Variants in THRB observed in about 807,000 individuals in gnomAD.
THRB encodes thyroid hormone receptor beta, also known as nuclear receptor subfamily 1 group A member 2.
In THRB, 12 loss-of-function variants were observed where a neutral mutation model predicts 47.8. The ratio of observed to expected loss-of-function variants is 0.25; its 90% CI spans 0.16 to 0.41. THRB has a LOEUF of 0.41. Among genes scored for constraint, THRB ranks in the 10% least tolerant of loss-of-function variants. The pLI, the probability that THRB is intolerant of heterozygous loss-of-function variation, is 1.00. For missense variants in THRB, 348 were observed against 589.2 expected (o/e 0.59, Z 4.24); for synonymous variants, 218 against 212.2 (o/e 1.03, Z -0.24).
In THRB at chr3:24,198,301, G is replaced by T. The variant is rs541049352; in HGVS notation, c.23-7967C>A. 7.8e-4 allele frequency among the ~76,000 whole-genome samples: 119 copies of T among 152,290 alleles called. 1 individual carries two copies. Among genetic ancestry groups the T allele is most frequent in the African/African-American group, 2.4e-3 (99 of 41,572 alleles). ...GGAAATCTGCTATTACTACATTCAA[G>T]AATTGCTATGGAAGCGTTATAGGTT... On this transcript the variant is annotated intron_variant, in intron 4 of 10. Coordinates refer to ENST00000646209, the MANE Select transcript of THRB (RefSeq NM_001354712.2).
At chr3:24,266,424 T>C (rs563413990) in intron 3 of THRB, among the ~76,000 whole-genome samples, 1 of 152,232 alleles carries the variant, frequency 6.6e-6, no homozygotes, top group East Asian at 1.9e-4. Context: ...TAATGATGAC[T>C]TTAGACTTGG....
At chr3:24,268,015 C>T (rs1267358092) in intron 3 of THRB, among the ~76,000 whole-genome samples, 3 of 152,136 alleles carry the variant, frequency 2.0e-5, no homozygotes, top group African/African-American at 7.2e-5. Context: ...AGAAAGTTCT[C>T]TATAAAGGCA....
In THRB at chr3:24,120,403, T is replaced by C. The variant is rs1222047267; in HGVS notation, c.*2481A>G. 2.0e-5 allele frequency: 3 copies of C among 152,232 alleles called. No individual in the cohort carries two copies. The highest frequency in any genetic ancestry group is 2.9e-5 in the Non-Finnish European group (2 of 68,048). 9.4% of individuals were successfully genotyped at this position (152,232 alleles called of 1,614,324 possible). ...ATACTATTTGGCCAATTCTCGATCATGGTTAGTCCCCAAAGCATTCTGATT... is the reference window on the plus strand; with the variant it reads ...ATACTATTTGGCCAATTCTCGATCACGGTTAGTCCCCAAAGCATTCTGATT... On this transcript the variant is annotated 3_prime_UTR_variant, in exon 11 of 11. Transcript: ENST00000646209.
At chr3:24,158,444 TG>T (rs2038232150) in intron 5 of THRB, among the ~76,000 whole-genome samples, 1 of 104,804 alleles carries the variant, frequency 9.5e-6, no homozygotes, top group African/African-American at 4.4e-5. Context: ...GGGGGGAGGG[TG>T]GGGGACGAGT....
intron 1 of THRB, among the ~76,000 whole-genome samples, chr3:24,476,741 T>A (rs778573957): frequency 2.5e-4 from 38 of 152,208 alleles, no homozygotes; most frequent in Non-Finnish European, 8.8e-5. Flanking sequence ...ATTAAAGGTA[T>A]GGTTTTTGGG....
intron 3 of THRB, among the ~76,000 whole-genome samples, chr3:24,286,876 C>T (rs928135941): frequency 1.3e-5 from 2 of 152,156 alleles, no homozygotes; most frequent in African/African-American, 4.8e-5. Flanking sequence ...GCCTGGGCGG[C>T]ATGGGGTTCC....
At chr3:24,490,170 A>G (rs1577966974) in intron 1 of THRB, among the ~76,000 whole-genome samples, 1 of 152,336 alleles carries the variant, frequency 6.6e-6, no homozygotes, top group South Asian at 2.1e-4. Context: ...AAAAATGGCT[A>G]GCAGAGCCAG....
intron 1 of THRB, among the ~76,000 whole-genome samples, chr3:24,388,342 TC>T (rs1450163682): frequency 6.6e-6 from 1 of 152,120 alleles, no homozygotes; most frequent in African/African-American, 2.4e-5. Context: ...CCTGCTTCCT[TC>T]CCATTCCTAC....
At chr3:24,418,176 T>C (rs2068915094) in intron 1 of THRB, among the ~76,000 whole-genome samples, 1 of 151,700 alleles carries the variant, frequency 6.6e-6, no homozygotes, top group Non-Finnish European at 1.5e-5. Flanking sequence ...GTTATAGCAG[T>C]CTGCAACCCT....
chr3:24,280,406 G>T (rs1169722714), intron 3 of THRB, among the ~76,000 whole-genome samples: 5 of 152,086 alleles, frequency 3.3e-5, no homozygotes, highest in African/African-American at 1.2e-4. Flanking sequence ...CTAACAAACA[G>T]AAAGGACATC....
intron 1 of THRB, among the ~76,000 whole-genome samples, chr3:24,377,896 A>G (rs2065412662): frequency 6.6e-6 from 1 of 152,150 alleles, no homozygotes; most frequent in Non-Finnish European, 1.5e-5. Flanking sequence ...GTTTAATGGT[A>G]ATTTACAAAA....
chr3:24,263,123 C>G (rs750632164), intron 3 of THRB, among the ~76,000 whole-genome samples: 13 of 152,076 alleles, frequency 8.5e-5, no homozygotes, highest in Admixed American at 2.6e-4. Flanking sequence ...CTTTTTTATG[C>G]CTTTCAGTCA....
intron 5 of THRB, among the ~76,000 whole-genome samples, chr3:24,187,036 T>A: frequency 6.6e-6 from 1 of 151,524 alleles, no homozygotes; most frequent in African/African-American, 2.4e-5. Context: ...AAACAATATT[T>A]AGAGTACTAT....
At position 24,255,898 on chromosome 3, in the gene THRB, C is replaced by A. The variant is rs560443997; in HGVS notation, c.-42-26897G>T. 2.0e-5 allele frequency among the ~76,000 whole-genome samples: 3 copies of A among 152,308 alleles called. No individual in the cohort carries two copies. The East Asian group carries it at 5.8e-4, about 29-fold the overall frequency. On this transcript the variant is annotated intron_variant, in intron 3 of 10. Transcript: ENST00000646209. The stretch of plus-strand genomic sequence containing the variant: ...TACATTTCAAAAACCACTGTATCCA[C>A]TGTGTTGAGGGGGTGAGGGGAAGCC...
chr3:24,263,959 A>G (rs2361302), intron 3 of THRB, among the ~76,000 whole-genome samples: 40,034 of 152,030 alleles, frequency 0.26, 5,395 homozygotes, highest in South Asian at 0.35. Context: ...AGATGAAAAA[A>G]TGATGTTTTT....
At chr3:24,189,788 A>G (rs574204938) in intron 5 of THRB, among the ~76,000 whole-genome samples, 1 of 152,364 alleles carries the variant, frequency 6.6e-6, no homozygotes, top group African/African-American at 2.4e-5. Context: ...ATGGAATTAA[A>G]GCCAAAACTT....
At chr3:24,219,101 T>C (rs182715502) in intron 4 of THRB, among the ~76,000 whole-genome samples, 393 of 152,020 alleles carry the variant, frequency 2.6e-3, no homozygotes, top group Non-Finnish European at 4.2e-3. Flanking sequence ...ACCCTGTCTC[T>C]GCAAAAAATA....
Position 24,265,113 on chromosome 3 carries a change from G to A in THRB, c.-43+32113C>T, listed in dbSNP as rs150296204. 4.6e-5 allele frequency among the ~76,000 whole-genome samples: 7 copies of A among 152,286 alleles called. No individual in the cohort carries two copies. The East Asian group carries it at 1.3e-3, about 29-fold the overall frequency. On this transcript the variant is annotated intron_variant, in intron 3 of 10. Coordinates refer to ENST00000646209, the MANE Select transcript of THRB (RefSeq NM_001354712.2). ...AGCCATCAGTAGACTGGGGGGAAGA[G>A]TATTACACTGGAAAAAATAGGAGGG...
chr3:24,357,346 C>CAAAAAAAAAAAAAAAAAAA (rs781709724), intron 1 of THRB, among the ~76,000 whole-genome samples: 9 of 28,720 alleles, frequency 3.1e-4, no homozygotes, highest in East Asian at 1.5e-3. Flanking sequence ...TTGTCTCTCC[C>CAAAAAAAAAAAAAAAAAAA]AAAAAAAAAA....
Sources: gnomAD v4.1 joint callset for allele counts (sites outside exome capture counted in the v4.1 genomes callset) on GRCh38, gnomAD v4.1.1 for gene constraint, MANE v1.5 for transcripts, NCBI Gene and HGNC (gene_info 2026-07-23, HGNC 2026-07-21) for gene names.